The following MACF1 variants were observed in gnomAD, a reference collection of about 807,000 sequenced individuals.
MACF1 encodes the protein microtubule-actin cross-linking factor 1.
Under a neutral mutation model 854.8 loss-of-function variants are expected in MACF1, and 193 were observed. The observed-to-expected ratio is 0.23, with a 90% CI of 0.20 to 0.25. The LOEUF (loss-of-function observed/expected upper bound fraction) is 0.25. Ranked by LOEUF, MACF1 falls within the 10% of genes least tolerant of loss-of-function variation. The pLI is 1.00. For synonymous variants in MACF1, 3,185 were observed against 3,226.7 expected, an observed-to-expected ratio of 0.99 and a Z score of 0.44; for missense variants, 7,722 against 8,929.1, an observed-to-expected ratio of 0.86 and a Z score of 5.45.
At chr1:39,352,520 G>A (rs1647216845) in intron 43 of MACF1, among the ~76,000 whole-genome samples, 1 of 152,082 alleles carries the variant, frequency 6.6e-6, no homozygotes, top group African/African-American at 2.4e-5. Context: ...CTGAATCCTA[G>A]GATTTGTTTT....
rs1358883833 is a variant in MACF1 at position 39,448,781 on chromosome 1, C to T, written c.20258+18C>T. On this transcript the variant is annotated intron_variant, in intron 84 of 100. Transcript: ENST00000564288. ...GTGGAGCGGTGAGCATGAATGTCCC[C>T]TTCAGGGGTCTAACCGGGATCCCAA... The T allele has an allele frequency of 6.3e-6, 10 of 1,578,232 alleles. No individual in the cohort carries two copies. The highest frequency in any genetic ancestry group is 8.6e-6 in the Non-Finnish European group (10 of 1,160,020).
chr1:39,381,856 T>C lies in MACF1; in HGVS notation c.13649-97T>C, dbSNP rs182116410. Reference sequence around the variant, plus strand: ...TAAGTAAATAAATAAATAACGCTTCTGGGGTCATTTCCTGCAGTATATTAG... The same window carrying C: ...TAAGTAAATAAATAAATAACGCTTCCGGGGTCATTTCCTGCAGTATATTAG... On this transcript the variant is annotated intron_variant, in intron 55 of 100. Coordinates refer to ENST00000564288, the MANE Select transcript of MACF1 (RefSeq NM_001394062.1). 9.9e-5 allele frequency: 84 copies of C among 845,874 alleles called. No individual in the cohort carries two copies. In the African/African-American group the frequency reaches 1.3e-3, roughly 13 times the overall value. 52.4% of individuals were successfully genotyped at this position (845,874 alleles called of 1,614,324 possible). A position where few individuals can be genotyped will look rare whatever the true frequency, so the allele number is the denominator to read the frequency against.
intron 23 of MACF1, among the ~76,000 whole-genome samples, chr1:39,305,810 C>T (rs1419064754): frequency 6.6e-6 from 1 of 152,188 alleles, no homozygotes; most frequent in Non-Finnish European, 1.5e-5. Context: ...GCCTCAGGGC[C>T]TTTGGACTTC....
intron 58 of MACF1, among the ~76,000 whole-genome samples, chr1:39,408,703 C>T (rs889845617): frequency 4.7e-4 from 72 of 152,044 alleles, no homozygotes; most frequent in Non-Finnish European, 9.4e-4. Flanking sequence ...GGATTTGCGC[C>T]GCGCAGCCCA....
chr1:39,327,097 C>T (rs1371923846), intron 35 of MACF1, 121 bp from the exon 36 acceptor site: 15 of 986,088 alleles, frequency 1.5e-5, no homozygotes, highest in African/African-American at 1.1e-4. Flanking sequence ...CCAAAGTCTC[C>T]GATGAATATG....
chr1:39,463,837 G>T (rs1269808429), intron 94 of MACF1, 151 bp downstream of exon 94: 10 of 621,666 alleles, frequency 1.6e-5, no homozygotes, highest in Middle Eastern at 3.1e-4. Flanking sequence ...CAAGTGTCAG[G>T]TACCCTGTTA....
intron 58 of MACF1, among the ~76,000 whole-genome samples, chr1:39,401,839 T>C (rs749440510): frequency 5.3e-5 from 8 of 152,244 alleles, no homozygotes; most frequent in Non-Finnish European, 1.0e-4. Context: ...ATAAGAATTT[T>C]CCTTAGTAAC....
chr1:39,113,392 A>G (rs1181425613), intron 2 of MACF1, among the ~76,000 whole-genome samples: 1 of 152,162 alleles, frequency 6.6e-6, no homozygotes, highest in Non-Finnish European at 1.5e-5. Context: ...AAAACACTTC[A>G]AGCAAGCCCT....
intron 58 of MACF1, among the ~76,000 whole-genome samples, chr1:39,416,713 T>C (rs980272415): frequency 1.3e-5 from 2 of 152,226 alleles, no homozygotes. Flanking sequence ...GTAATCCTTT[T>C]ATGAAATATT....
chr1:39,417,204 T>G (rs1225067329), intron 58 of MACF1, among the ~76,000 whole-genome samples: 1 of 151,908 alleles, frequency 6.6e-6, no homozygotes, highest in Non-Finnish European at 1.5e-5. Context: ...AACAACAGAG[T>G]TTGGTAGAAC....
At chr1:39,146,972 C>T (rs1643479470) in intron 2 of MACF1, among the ~76,000 whole-genome samples, 1 of 152,118 alleles carries the variant, frequency 6.6e-6, no homozygotes, top group Non-Finnish European at 1.5e-5. Context: ...TATACACCTA[C>T]TGAGTACCCA....
intron 1 of MACF1, among the ~76,000 whole-genome samples, chr1:39,222,769 T>C (rs1395809897): frequency 6.6e-6 from 1 of 152,204 alleles, no homozygotes; most frequent in Non-Finnish European, 1.5e-5. Flanking sequence ...GTGTCAGCTG[T>C]GGTATATCCT....
chr1:39,336,186 A>G lies in MACF1; in HGVS notation c.9598A>G (p.Arg3200Gly), dbSNP rs1557595516. 6.2e-7 allele frequency: 1 copy of G among 1,614,054 alleles called. No homozygotes were observed. The highest frequency in any genetic ancestry group is 8.5e-7 in the Non-Finnish European group (1 of 1,180,010). ...TTCTAGACCAGATTCAAAAGAAGTC[A>G]GGTATCTAGAATTCTCAGACAGAAA... is the stretch of plus-strand genomic sequence containing the variant. ...TVSRPDSKEV[R>G]YLEFSDRKDL... is the part of the protein sequence containing the mutation. Residue 3200 changes from arginine to glycine, a missense_variant, in exon 37 of 101, where the codon AGG (arginine) becomes GGG (glycine). Arg to Gly is a moderately radical substitution (Grantham distance 125). Around this residue, in one of 15 missense-constraint regions of MACF1, gnomAD observed 854 missense variants for 852.6 expected, o/e 1.00. Coordinates refer to ENST00000564288, the MANE Select transcript of MACF1 (RefSeq NM_001394062.1).
chr1:39,380,818 G>A (rs1017443073), intron 55 of MACF1, among the ~76,000 whole-genome samples: 3 of 152,012 alleles, frequency 2.0e-5, no homozygotes, highest in Non-Finnish European at 2.9e-5. Context: ...AGGCTGAGGC[G>A]AGACGATTGC....
intron 49 of MACF1, 131 bp downstream of exon 49, chr1:39,361,808 C>T (rs1357435374): frequency 3.6e-6 from 3 of 841,488 alleles, no homozygotes; most frequent in East Asian, 2.5e-5. Context: ...GGAATTATTA[C>T]AGTGATCCCG....
At chr1:39,094,153 A>G (rs1010166093) in intron 2 of MACF1, among the ~76,000 whole-genome samples, 3 of 151,264 alleles carry the variant, frequency 2.0e-5, no homozygotes, top group African/African-American at 2.4e-5. Context: ...ACTGGCTATA[A>G]TGGGGTGCTG....
intron 5 of MACF1, among the ~76,000 whole-genome samples, chr1:39,255,119 G>T (rs1255508028): frequency 6.6e-6 from 1 of 151,972 alleles, no homozygotes; most frequent in African/African-American, 2.4e-5. Flanking sequence ...TCACAAGTCA[G>T]AGCAAAGCTG....
chr1:39,371,096 G>A (rs542501397), intron 51 of MACF1, among the ~76,000 whole-genome samples: 41 of 152,094 alleles, frequency 2.7e-4, no homozygotes, highest in African/African-American at 9.9e-4. Flanking sequence ...CGAGGCGGGT[G>A]GATCACAAGG....
At position 39,233,796 on chromosome 1, in the gene MACF1, TTA is replaced by T. The variant is rs1491527855; in HGVS notation, c.171+2555_171+2556del. Reference sequence around the variant, plus strand: ...ATAGCTTTTTTTTTTTTTTTTTTTTTTATTTATTTTTTATTGATAATTCTTGG... The same window carrying T: ...ATAGCTTTTTTTTTTTTTTTTTTTTTTTTATTTTTTATTGATAATTCTTGG... On this transcript the variant is annotated intron_variant, in intron 2 of 100. Transcript: ENST00000564288. 4.4e-3 allele frequency among the ~76,000 whole-genome samples: 392 copies of T among 88,988 alleles called. 23 individuals carry two copies. Among genetic ancestry groups the T allele is most frequent in the Non-Finnish European group, 5.2e-3 (194 of 37,548 alleles). 58.4% of individuals were successfully genotyped at this position (88,988 alleles called of 152,430 possible).
Sources: allele counts gnomAD v4.1 joint callset (sites outside exome capture counted in the v4.1 genomes callset), GRCh38; gene constraint gnomAD v4.1.1; regional missense constraint gnomAD v4.1.1; transcripts MANE v1.5; gene names NCBI Gene and HGNC (gene_info 2026-07-23, HGNC 2026-07-21).